Variants in COLEC10 observed in about 807,000 individuals in gnomAD.
COLEC10 encodes the protein collectin subfamily member 10.
A neutral mutation model predicts 28.4 loss-of-function variants in COLEC10; 22 were observed. The ratio of observed to expected loss-of-function variants is 0.78; its 90% confidence interval spans 0.55 to 1.11. The LOEUF (loss-of-function observed/expected upper bound fraction) is 1.11, where lower values mean the gene tolerates loss of function less well. Among genes scored for constraint, COLEC10 ranks in the 50% least tolerant of loss-of-function variants. The pLI, the probability that COLEC10 is intolerant of heterozygous loss-of-function variation, is 0.00. For synonymous variants in COLEC10, 125 were observed against 116.1 expected (o/e 1.08, Z -0.49); for missense variants, 361 against 344.1 (o/e 1.05, Z -0.39).
chr8:119,063,423 C>G (rs1156354790), upstream of COLEC10, among the ~76,000 whole-genome samples: 2 of 152,304 alleles, frequency 1.3e-5, no homozygotes, highest in Admixed American at 6.5e-5. Context: ...GAGAAGCACT[C>G]CTTGCCTTTG....
At chr8:119,035,848 A>G (rs749849192) in intron 2 of COLEC10, among the ~76,000 whole-genome samples, 11 of 152,188 alleles carry the variant, frequency 7.2e-5, no homozygotes, top group Admixed American at 6.5e-5. Context: ...AGTCAGTTTC[A>G]ATAGATTTTC....
chr8:119,094,515 T>A (rs565521687), intron 3 of COLEC10, among the ~76,000 whole-genome samples: 4 of 152,316 alleles, frequency 2.6e-5, no homozygotes, highest in Admixed American at 1.3e-4. Flanking sequence ...TCTGAAGGTA[T>A]GACAGTGCAA....
At chr8:119,015,378 C>G (rs80149865) in intron 2 of COLEC10, among the ~76,000 whole-genome samples, 6,852 of 150,928 alleles carry the variant, frequency 0.045, 435 homozygotes, top group East Asian at 0.16. Context: ...TCTTCTGCCA[C>G]ATCACTTAGG....
chr8:118,989,534 T>TACACAC, the COLEC10 span, among the ~76,000 whole-genome samples: 1,365 of 128,696 alleles, frequency 0.011, 13 homozygotes, highest in East Asian at 0.021. Flanking sequence ...ACAGACAAAA[T>TACACAC]ACACACACAC....
At chr8:118,954,248 CTG>C in the COLEC10 span, among the ~76,000 whole-genome samples, 51 of 152,346 alleles carry the variant, frequency 3.3e-4, no homozygotes, top group South Asian at 1.2e-3. Flanking sequence ...ACAAAATAGA[CTG>C]TGTATTGATT....
At chr8:119,032,331 G>A (rs776024652) in intron 2 of COLEC10, among the ~76,000 whole-genome samples, 4 of 152,124 alleles carry the variant, frequency 2.6e-5, no homozygotes, top group Non-Finnish European at 5.9e-5. Flanking sequence ...TGTGCATTAC[G>A]AAGTGTTCAT....
intron 5 of COLEC10, 136 bp downstream of exon 5, chr8:119,104,031 C>A: frequency 4.8e-6 from 3 of 624,202 alleles, no homozygotes; most frequent in Non-Finnish European, 8.4e-6. Context: ...AAGGGTCTCC[C>A]AAATTGCTAA....
chr8:118,984,852 G>A, the COLEC10 span, among the ~76,000 whole-genome samples: 1 of 152,140 alleles, frequency 6.6e-6, no homozygotes, highest in Non-Finnish European at 1.5e-5. Context: ...AATCATGGCG[G>A]AAGGCAAGGA....
the COLEC10 span, among the ~76,000 whole-genome samples, chr8:118,958,336 C>T: frequency 6.6e-6 from 1 of 152,196 alleles, no homozygotes; most frequent in Non-Finnish European, 1.5e-5. Context: ...GTTGTCTGTG[C>T]TTTAGGTTCT....
At chr8:119,047,925 A>C (rs981265337) in intron 2 of COLEC10, among the ~76,000 whole-genome samples, 1 of 152,222 alleles carries the variant, frequency 6.6e-6, no homozygotes, top group Non-Finnish European at 1.5e-5. Context: ...TTGGGTACTC[A>C]ATCATCAAAG....
chr8:119,003,725 G>A (rs79164392), intron 1 of COLEC10, among the ~76,000 whole-genome samples: 4,404 of 152,054 alleles, frequency 0.029, 120 homozygotes, highest in East Asian at 0.16. Context: ...TGGTTGCACC[G>A]CTTAACCCAT....
At chr8:119,010,903 C>T (rs1586996552) in intron 2 of COLEC10, among the ~76,000 whole-genome samples, 1 of 151,048 alleles carries the variant, frequency 6.6e-6, no homozygotes, top group Admixed American at 6.6e-5. Flanking sequence ...GATAACAGTC[C>T]TTATAAGATA....
chr8:118,957,373 T>C, the COLEC10 span, among the ~76,000 whole-genome samples: 1 of 152,236 alleles, frequency 6.6e-6, no homozygotes, highest in East Asian at 1.9e-4. Context: ...TATGAAGGCC[T>C]ACTTTAGCTG....
chr8:119,030,583 C>T (rs1333117433), intron 2 of COLEC10, among the ~76,000 whole-genome samples: 1 of 152,182 alleles, frequency 6.6e-6, no homozygotes, highest in East Asian at 1.9e-4. Context: ...TGAATATAAA[C>T]AGGTTGCCTA....
intron 1 of COLEC10, among the ~76,000 whole-genome samples, chr8:119,002,008 T>C (rs1465513436): frequency 2.0e-5 from 3 of 152,210 alleles, no homozygotes; most frequent in Non-Finnish European, 4.4e-5. Flanking sequence ...AGCTTAGCTC[T>C]ATTTCTGTGT....
intron 2 of COLEC10, among the ~76,000 whole-genome samples, chr8:119,052,057 A>G (rs1306303309): frequency 6.6e-6 from 1 of 152,206 alleles, no homozygotes; most frequent in African/African-American, 2.4e-5. Flanking sequence ...TAACTTTATT[A>G]GCCCCTGAGT....
intron 1 of COLEC10, among the ~76,000 whole-genome samples, chr8:119,083,383 T>C (rs1301009815): frequency 6.6e-5 from 10 of 152,174 alleles, no homozygotes; most frequent in Non-Finnish European, 1.5e-4. Flanking sequence ...TGTGGGCTCT[T>C]ATTGGGTCAC....
Position 119,089,709 on chromosome 8 carries a change from G to T in COLEC10, c.178G>T (p.Glu60Ter). 6.2e-7 allele frequency: 1 copy of T among 1,613,732 alleles called. No individual in the cohort carries two copies. Among genetic ancestry groups the T allele is most frequent in the Non-Finnish European group, 8.5e-7 (1 of 1,179,740 alleles). Residue 60 changes from glutamate (E) to a stop codon, truncating the protein, a stop_gained, in exon 2 of 6, where the codon GAA becomes TAA. Transcript: ENST00000332843. LOFTEE classifies it high-confidence loss of function. ...TGATGGTGAAAAAGGAGATCCAGGAGAAGAGGGAAAGCATGGCAAAGTGGG... is the reference window on the plus strand; with the variant it reads ...TGATGGTGAAAAAGGAGATCCAGGATAAGAGGGAAAGCATGGCAAAGTGGG... ...GDDGEKGDPG[E>*]EGKHGKVGRM...
the COLEC10 span, among the ~76,000 whole-genome samples, chr8:118,984,675 AG>A: frequency 6.6e-6 from 1 of 152,130 alleles, no homozygotes; most frequent in African/African-American, 2.4e-5. Context: ...CTATAAGCCA[AG>A]GAACACAAAG....
Sources: gnomAD v4.1 joint callset for allele counts (sites outside exome capture counted in the v4.1 genomes callset) on GRCh38, gnomAD v4.1.1 for gene constraint, MANE v1.5 for transcripts, NCBI Gene and HGNC (gene_info 2026-07-23, HGNC 2026-07-21) for gene names.